The following GPHN variants were observed in gnomAD, a reference collection of about 807,000 sequenced individuals.
GPHN encodes gephyrin.
A neutral mutation model predicts 95.5 loss-of-function variants in GPHN; 17 were observed. The observed-to-expected ratio is 0.18, with a 90% CI of 0.12 to 0.27. GPHN has a LOEUF of 0.27. GPHN is among the 10% of genes least tolerant of loss of function. GPHN has a pLI of 1.00. For missense variants in GPHN, 660 were observed against 978.1 expected (o/e 0.67, Z 4.34); for synonymous variants, 320 against 322.5 (o/e 0.99, Z 0.08).
the GPHN span, among the ~76,000 whole-genome samples, chr14:67,700,666 G>A: frequency 1.4e-5 from 2 of 147,178 alleles, no homozygotes; most frequent in African/African-American, 2.5e-5. Context: ...AGTGAGCCTA[G>A]ATCGCGGCAC....
chr14:67,688,842 T>C, the GPHN span, among the ~76,000 whole-genome samples: 8 of 152,308 alleles, frequency 5.3e-5, no homozygotes, highest in African/African-American at 1.9e-4. Flanking sequence ...CCGTTAGATG[T>C]AAACCAAACC....
chr14:67,429,411 A>G, the GPHN span, among the ~76,000 whole-genome samples: 2 of 151,200 alleles, frequency 1.3e-5, no homozygotes, highest in Non-Finnish European at 3.0e-5. Flanking sequence ...TTGTATTTTT[A>G]GTAGAGATGG....
At chr14:66,547,655 G>C (rs928341783) in intron 1 of GPHN, among the ~76,000 whole-genome samples, 3 of 152,136 alleles carry the variant, frequency 2.0e-5, no homozygotes, top group Admixed American at 2.0e-4. Flanking sequence ...GATATATCCT[G>C]TACAAGGTCA....
chr14:66,935,020 G>C (rs1307011287), intron 8 of GPHN, among the ~76,000 whole-genome samples: 1 of 152,098 alleles, frequency 6.6e-6, no homozygotes, highest in Non-Finnish European at 1.5e-5. Context: ...ATAGAGGGTT[G>C]GAAAATGTGA....
the GPHN span, among the ~76,000 whole-genome samples, chr14:67,282,529 T>G: frequency 6.6e-6 from 1 of 152,012 alleles, no homozygotes; most frequent in Non-Finnish European, 1.5e-5. Flanking sequence ...TTTGTAAATT[T>G]GACAATGTAT....
At chr14:66,649,485 C>T (rs2094100) in intron 1 of GPHN, among the ~76,000 whole-genome samples, 49,748 of 152,052 alleles carry the variant, frequency 0.33, 11,982 homozygotes, top group African/African-American at 0.65. Flanking sequence ...CCACTCCCCA[C>T]TGCTCACATT....
At chr14:66,700,853 CAG>C (rs1342077372) in intron 2 of GPHN, among the ~76,000 whole-genome samples, 1 of 151,928 alleles carries the variant, frequency 6.6e-6, no homozygotes, top group African/African-American at 2.4e-5. Context: ...AATCCGGAGA[CAG>C]GGGTTGCAGT....
chr14:67,149,319 A>G (rs1450343735), intron 18 of GPHN, among the ~76,000 whole-genome samples: 1 of 152,226 alleles, frequency 6.6e-6, no homozygotes, highest in African/African-American at 2.4e-5. Context: ...ACTCTAGCCT[A>G]GGCAACAAGA....
chr14:67,729,329 T>G, the GPHN span: 10 of 1,599,558 alleles, frequency 6.3e-6, no homozygotes, highest in Non-Finnish European at 8.5e-6. Flanking sequence ...CAGACCAGCC[T>G]GCACTGCGCC....
intron 5 of GPHN, among the ~76,000 whole-genome samples, chr14:66,887,618 T>C (rs1293749049): frequency 1.3e-5 from 2 of 152,026 alleles, no homozygotes; most frequent in African/African-American, 4.8e-5. Flanking sequence ...TATAGAATAC[T>C]TCCCCACCCC....
the GPHN span, among the ~76,000 whole-genome samples, chr14:67,367,829 T>A: frequency 1.3e-5 from 2 of 151,414 alleles, no homozygotes; most frequent in Admixed American, 6.6e-5. Flanking sequence ...GAACCAGACC[T>A]TGTCTCAAAA....
the GPHN span, among the ~76,000 whole-genome samples, chr14:67,539,233 T>G: frequency 1.3e-5 from 2 of 152,172 alleles, no homozygotes; most frequent in Non-Finnish European, 2.9e-5. Context: ...CAAGGTTCTG[T>G]TTTGTCTTTT....
At chr14:67,571,732 G>A in the GPHN span, 1 of 1,605,906 alleles carries the variant, frequency 6.2e-7, no homozygotes, top group Non-Finnish European at 8.5e-7. Context: ...GCTGCAGTGA[G>A]GGAGGGGCCT....
chr14:67,510,263 A>G, the GPHN span, among the ~76,000 whole-genome samples: 8 of 152,244 alleles, frequency 5.3e-5, no homozygotes, highest in East Asian at 1.9e-4. Context: ...CTGAAGCTCT[A>G]TTTGTGGAAT....
the GPHN span, chr14:67,204,434 C>T: frequency 7.2e-7 from 1 of 1,388,084 alleles, no homozygotes. Flanking sequence ...AGAGTGAGAA[C>T]TTGTCTCAAA....
chr14:67,557,245 C>G, the GPHN span: 2 of 1,609,944 alleles, frequency 1.2e-6, no homozygotes, highest in Non-Finnish European at 1.7e-6. Context: ...TGGGAAGACA[C>G]TATGAGATCA....
the GPHN span, among the ~76,000 whole-genome samples, chr14:67,438,093 C>T: frequency 6.6e-6 from 1 of 152,276 alleles, no homozygotes; most frequent in South Asian, 2.1e-4. Context: ...TGTCACCCCC[C>T]TCCCAATCAT....
At chr14:67,622,611 T>C in the GPHN span, among the ~76,000 whole-genome samples, 1 of 152,210 alleles carries the variant, frequency 6.6e-6, no homozygotes, top group Non-Finnish European at 1.5e-5. Flanking sequence ...AAGTTTTTAT[T>C]CCCGCCCATA....
chr14:67,537,176 C>G, the GPHN span, among the ~76,000 whole-genome samples: 1 of 144,118 alleles, frequency 6.9e-6, no homozygotes, highest in African/African-American at 2.6e-5. Context: ...GAAACCCTGT[C>G]TTTACAAAAA....
Sources: allele counts gnomAD v4.1 joint callset (sites outside exome capture counted in the v4.1 genomes callset), GRCh38; gene constraint gnomAD v4.1.1; transcripts MANE v1.5; gene names NCBI Gene and HGNC (gene_info 2026-07-23, HGNC 2026-07-21).